AAK1: variants seen among roughly 807,000 people sequenced by gnomAD.
AAK1 encodes the protein AP2 associated kinase 1, also known as AP2-associated protein kinase 1.
Under a neutral mutation model 116.0 loss-of-function variants are expected in AAK1, and 37 were observed. The ratio of observed to expected loss-of-function variants is 0.32; its 90% CI spans 0.25 to 0.42. The LOEUF is 0.42. AAK1 is among the 10% of genes least tolerant of loss of function. The pLI, the probability that AAK1 is intolerant of heterozygous loss-of-function variation, is 1.00. For missense variants in AAK1, 919 were observed against 1,170.6 expected, an observed-to-expected ratio of 0.79 and a Z score of 3.14; for synonymous variants, 458 against 439.9, an observed-to-expected ratio of 1.04 and a Z score of -0.51.
chr2:69,589,092 A>C (rs1425200276), intron 2 of AAK1, among the ~76,000 whole-genome samples: 1 of 152,216 alleles, frequency 6.6e-6, no homozygotes, highest in African/African-American at 2.4e-5. Flanking sequence ...GTTAAAGATC[A>C]AAGTTCAGGT....
intron 16 of AAK1, among the ~76,000 whole-genome samples, chr2:69,503,513 G>GTTTTGT (rs545767753): frequency 1.1e-3 from 169 of 152,180 alleles, no homozygotes; most frequent in African/African-American, 3.9e-3. Context: ...TATCCTAGAA[G>GTTTTGT]TTTTGTTTTT....
intron 15 of AAK1, among the ~76,000 whole-genome samples, chr2:69,507,160 A>G (rs1459701891): frequency 6.6e-6 from 1 of 152,158 alleles, no homozygotes; most frequent in African/African-American, 2.4e-5. Context: ...CTTTTCTACA[A>G]GTTTCTTCCC....
chr2:69,599,891 C>T (rs1463653614), intron 2 of AAK1, among the ~76,000 whole-genome samples: 1 of 152,064 alleles, frequency 6.6e-6, no homozygotes, highest in African/African-American at 2.4e-5. Context: ...AGTCCTCTCA[C>T]CTCAGCCTCC....
Position 69,460,972 on chromosome 2 carries a change from C to T in AAK1, c.*14897G>A, listed in dbSNP as rs1382147220. 2 of 152,160 alleles carry T rather than the reference C, an allele frequency of 1.3e-5. No individual in the cohort carries two copies. Among genetic ancestry groups the T allele is most frequent in the Non-Finnish European group, 2.9e-5 (2 of 68,018 alleles). 9.4% of individuals were successfully genotyped at this position (152,160 alleles called of 1,614,324 possible). ...TGAAAGGTCACAACTTCTATGTTCC[C>T]TATCAAATGTGTAAAGCAAAAACAC... On this transcript the variant is annotated 3_prime_UTR_variant, in exon 22 of 22. Coordinates refer to ENST00000409085, the MANE Select transcript of AAK1 (RefSeq NM_014911.5).
In AAK1 at chr2:69,496,027, C is replaced by T. The variant is rs1002582437; in HGVS notation, c.2323G>A (p.Val775Met). The T allele has an allele frequency of 1.5e-5, 23 of 1,554,874 alleles. No homozygotes were observed. Among genetic ancestry groups the T allele is most frequent in the East Asian group, 2.4e-5 (1 of 41,238 alleles). ...TGAAGAGGAATGAAAGGATCAGACA[C>T]GCTTAGAAGCGGGAGGCCAGAGTCC... ...TVDSGLPLLSVSDPFIPLQVP... is the reference protein window; with the variant it reads ...TVDSGLPLLSMSDPFIPLQVP... The change falls in exon 17 of 22, where the codon GTG becomes ATG. Residue 775 changes from valine (V) to methionine (M), a missense_variant. Val to Met is a conservative substitution (Grantham distance 21). This residue lies in a region of AAK1 where 263 missense variants were observed against 285.5 expected (regional missense o/e 0.92). Transcript: ENST00000409085.
chr2:69,483,287 C>A (rs1162032618), intron 17 of AAK1, among the ~76,000 whole-genome samples: 1 of 152,208 alleles, frequency 6.6e-6, no homozygotes, highest in East Asian at 1.9e-4. Flanking sequence ...ACAGCTTTGC[C>A]TTTTCCAGAA....
chr2:69,608,183 G>T lies in AAK1; in HGVS notation c.163+34695C>A, dbSNP rs188037502. On this transcript the variant is annotated intron_variant, in intron 2 of 21. Transcript: ENST00000409085. Reference sequence around the variant, plus strand: ...CAGCACCTGCAGGACACAAAAGAAGGCTAGGGCAGCAGGCACAGAACTCCT... The same window carrying T: ...CAGCACCTGCAGGACACAAAAGAAGTCTAGGGCAGCAGGCACAGAACTCCT... Among the ~76,000 whole-genome samples, 377 of 152,286 alleles carry T rather than the reference G, an allele frequency of 2.5e-3. 2 individuals are homozygous for T. The highest frequency in any genetic ancestry group is 8.4e-3 in the African/African-American group (348 of 41,550).
chr2:69,529,719 G>A (rs1430498797), intron 8 of AAK1, among the ~76,000 whole-genome samples: 1 of 152,168 alleles, frequency 6.6e-6, no homozygotes, highest in African/African-American at 2.4e-5. Flanking sequence ...TGGTACCGGA[G>A]CTTTCATAGA....
rs549503795 is a variant in AAK1, at chr2:69,638,733, ATCTGCTGGGCAATT to A, written c.163+4131_163+4144del. Among the ~76,000 whole-genome samples, 319 of 152,322 alleles carry A rather than the reference ATCTGCTGGGCAATT, an allele frequency of 2.1e-3. 3 individuals are homozygous for A. The highest frequency in any genetic ancestry group is 7.1e-3 in the African/African-American group (294 of 41,564). ...GTCCTGAGTAACCCCCATCTGGAACATCTGCTGGGCAATTTCTATTCCTGTTCAAACTTCATGTC... is the reference window on the plus strand; with the variant it reads ...GTCCTGAGTAACCCCCATCTGGAACATCTATTCCTGTTCAAACTTCATGTC... On this transcript the variant is annotated intron_variant, in intron 2 of 21. Transcript: ENST00000409085.
At chr2:69,488,898 T>C (rs1188191353) in intron 17 of AAK1, among the ~76,000 whole-genome samples, 1 of 151,924 alleles carries the variant, frequency 6.6e-6, no homozygotes, top group Non-Finnish European at 1.5e-5. Context: ...ATGGACAAAA[T>C]GAAGATAAAC....
In AAK1 at chr2:69,520,865, C is replaced by T. The variant is rs1213625206; in HGVS notation, c.1179G>A (p.Arg393=). The change falls in exon 11 of 22, where the codon AGG becomes AGA. Residue 393 remains arginine, a synonymous_variant. Coordinates refer to ENST00000409085, the MANE Select transcript of AAK1 (RefSeq NM_014911.5). Reference sequence around the variant, plus strand: ...CCTGAGGTGGGGGCTGAACAGTGGCCCTCTTCCGGGGTGTCAGCGCTGGCT... The same window carrying T: ...CCTGAGGTGGGGGCTGAACAGTGGCTCTCTTCCGGGGTGTCAGCGCTGGCT... The part of the protein sequence containing the change: ...PIQPALTPRK[R]ATVQPPPQAA... The T allele has an allele frequency of 5.1e-6, 8 of 1,583,880 alleles. No homozygotes were observed. In the African/African-American group the frequency reaches 5.4e-5, roughly 11 times the overall value.
intron 8 of AAK1, 104 bp from the exon 9 acceptor site, chr2:69,527,423 T>C: frequency 1.3e-6 from 1 of 766,820 alleles, no homozygotes; most frequent in Non-Finnish European, 2.2e-6. Context: ...TTTTAAACTT[T>C]TATTTTTCAT....
chr2:69,527,244 T>C lies in AAK1; in HGVS notation c.947A>G (p.Lys316Arg). 2 of 1,608,212 alleles carry C rather than the reference T, an allele frequency of 1.2e-6. No homozygotes were observed. The highest frequency in any genetic ancestry group is 1.7e-6 in the Non-Finnish European group (2 of 1,176,850). Residue 316 changes from lysine to arginine, a missense_variant, in exon 9 of 22, where the codon AAG becomes AGG. Lys to Arg is a conservative substitution (Grantham distance 26). Transcript: ENST00000409085. Reference protein sequence around the residue: ...QVSYFSFKLLKKECPIPNVQN... With the variant: ...QVSYFSFKLLRKECPIPNVQN... ...TACATTTGGAATTGGGCACTCTTTC[T>C]TGAGTAGCTTAAATGAGAAGTAGGA...
chr2:69,557,266 T>TG (rs1212562681), intron 2 of AAK1, among the ~76,000 whole-genome samples: 1 of 151,486 alleles, frequency 6.6e-6, no homozygotes, highest in Non-Finnish European at 1.5e-5. Context: ...AACAGATAAA[T>TG]GGGTAGTACT....
chr2:69,478,578 G>A (rs992784094), intron 20 of AAK1: 1 of 222,962 alleles, frequency 4.5e-6, no homozygotes. Flanking sequence ...TCAGTCTCCC[G>A]AGAAGCTGGT....
intron 17 of AAK1, among the ~76,000 whole-genome samples, chr2:69,494,493 G>A (rs1675661953): frequency 6.6e-6 from 1 of 152,098 alleles, no homozygotes; most frequent in Non-Finnish European, 1.5e-5. Flanking sequence ...GCAGCCCATG[G>A]GCTACCTAAG....
chr2:69,534,530 A>G (rs1356258423), intron 5 of AAK1, among the ~76,000 whole-genome samples: 1 of 152,272 alleles, frequency 6.6e-6, no homozygotes, highest in Non-Finnish European at 1.5e-5. Flanking sequence ...ATGTCTCCTA[A>G]GCATTCCATA....
At chr2:69,605,869 GA>G in intron 2 of AAK1, among the ~76,000 whole-genome samples, 1 of 151,784 alleles carries the variant, frequency 6.6e-6, no homozygotes, top group East Asian at 1.9e-4. Context: ...CTCTTCTATG[GA>G]CACTTTTAAC....
chr2:69,629,393 T>A (rs909850411), intron 2 of AAK1, among the ~76,000 whole-genome samples: 35 of 152,330 alleles, frequency 2.3e-4, no homozygotes, highest in Non-Finnish European at 4.4e-5. Context: ...GGTTTAGAGT[T>A]CCTTTATATA....
Sources: allele counts gnomAD v4.1 joint callset (sites outside exome capture counted in the v4.1 genomes callset), GRCh38; gene constraint gnomAD v4.1.1; regional missense constraint gnomAD v4.1.1; transcripts MANE v1.5; gene names NCBI Gene and HGNC (gene_info 2026-07-23, HGNC 2026-07-21).